ZNF511: variants seen among roughly 807,000 people sequenced by gnomAD.
ZNF511 encodes the protein zinc finger protein 511.
A neutral mutation model predicts 24.8 loss-of-function variants in ZNF511; 26 were observed. The observed-to-expected ratio is 1.05, with a 90% CI of 0.77 to 1.46. The LOEUF (loss-of-function observed/expected upper bound fraction) is 1.46, where lower values mean the gene tolerates loss of function less well. Ranked by LOEUF, ZNF511 falls within the 40% of genes most tolerant of loss-of-function variation. The pLI, the probability that ZNF511 is intolerant of heterozygous loss-of-function variation, is 0.00. For synonymous variants in ZNF511, 144 were observed against 139.6 expected (o/e 1.03, Z -0.22); for missense variants, 358 against 345.0 (o/e 1.04, Z -0.30).
Position 133,310,248 on chromosome 10 carries a change from C to A in ZNF511, c.514C>A (p.Pro172Thr). The change falls in exon 4 of 6, where the codon CCC becomes ACC. Residue 172 changes from proline (P) to threonine (T), a missense_variant. Transcript: ENST00000361518. ...KDHMVRMHLY[P>T]ADFRFDKPKK... ...TCACATGGTGAGGATGCACCTGTAC[C>A]CCGCGGACTTCCGGTTTGATAAGCC... The A allele has an allele frequency of 6.2e-7, 1 of 1,614,018 alleles. No homozygotes were observed. The highest frequency in any genetic ancestry group is 8.5e-7 in the Non-Finnish European group (1 of 1,180,026).
intron 4 of ZNF511, 34 bp from the exon 5 acceptor site, chr10:133,311,682 T>G (rs111577243): frequency 1.3e-6 from 2 of 1,580,870 alleles, no homozygotes; most frequent in Non-Finnish European, 1.7e-6. Flanking sequence ...GTGGGAGCCG[T>G]GCAGGGCAGT....
At chr10:133,309,999 G>C (rs753687652) in intron 3 of ZNF511, 22 bp downstream of exon 3, 1 of 1,611,662 alleles carries the variant, frequency 6.2e-7, no homozygotes, top group Non-Finnish European at 8.5e-7. Flanking sequence ...CTGCACAGCC[G>C]CCGAGGCCAC....
intron 5 of ZNF511, chr10:133,312,266 TA>T (rs1472933178): frequency 3.8e-6 from 5 of 1,315,406 alleles, no homozygotes; most frequent in South Asian, 1.7e-5. Flanking sequence ...TCTGCCTTTC[TA>T]GCATGACCTG....
chr10:133,309,974 C>A lies in ZNF511; in HGVS notation c.426C>A (p.Asp142Glu). Reference protein sequence around the residue: ...SLFQILSERQDMYQCLVEGCT... With the variant: ...SLFQILSERQEMYQCLVEGCT... ...TCCAGATCCTGTCTGAGAGGCAGGA[C>A]ATGGTGGGTGACAACTGCACAGCCG... is the stretch of plus-strand genomic sequence containing the variant. Residue 142 changes from aspartate (D) to glutamate (E), a missense_variant, in exon 3 of 6, where the codon GAC becomes GAA. Physicochemically the swap from Asp to Glu is conservative, Grantham distance 45. Transcript: ENST00000361518. The A allele has an allele frequency of 6.2e-7, 1 of 1,612,756 alleles. No homozygotes were observed. Among genetic ancestry groups the A allele is most frequent in the Non-Finnish European group, 8.5e-7 (1 of 1,179,838 alleles).
intron 5 of ZNF511, 161 bp downstream of exon 5, chr10:133,312,002 G>T (rs1848001244): frequency 6.3e-7 from 1 of 1,595,394 alleles, no homozygotes; most frequent in African/African-American, 1.3e-5. Flanking sequence ...AGATATCTCA[G>T]GTCCTGTGAA....
At chr10:133,312,524 C>A in intron 5 of ZNF511, 1 of 1,355,726 alleles carries the variant, frequency 7.4e-7, no homozygotes. Context: ...AGCAGGAAGT[C>A]TCAGCCCCAG....
In ZNF511 at chr10:133,311,750, G is replaced by C; in HGVS notation, c.589G>C (p.Glu197Gln). The C allele has an allele frequency of 1.2e-6, 2 of 1,613,720 alleles. No individual in the cohort carries two copies. Among genetic ancestry groups the C allele is most frequent in the Non-Finnish European group, 1.7e-6 (2 of 1,180,042 alleles). ...AGCAGAAGCCCCAGGGGACAGTGGA[G>C]AGCGGTCAGAAGGGGAGGCCATGGA... Reference protein sequence around the residue: ...ASAEAPGDSGERSEGEAMEIC... With the variant: ...ASAEAPGDSGQRSEGEAMEIC... Residue 197 changes from glutamate to glutamine, a missense_variant, in exon 5 of 6, where the codon GAG (glutamate) becomes CAG (glutamine). Transcript: ENST00000361518.
intron 5 of ZNF511, 77 bp from the exon 6 acceptor site, chr10:133,312,711 A>C (rs1392682479): frequency 6.2e-7 from 1 of 1,606,872 alleles, no homozygotes; most frequent in African/African-American, 1.3e-5. Context: ...AATGAGAAGG[A>C]GACACACAAG....
rs1229501899 is a variant in ZNF511 at position 133,309,005 on chromosome 10, T to G, written c.62T>G (p.Leu21Arg). 1.8e-5 allele frequency: 22 copies of G among 1,251,468 alleles called. No individual in the cohort carries two copies. The highest frequency in any genetic ancestry group is 4.2e-5 in the Admixed American group (1 of 23,692). The allele number at this position is 1,251,468 out of a possible 1,614,324, so 77.5% of individuals were successfully genotyped here. ...LAAGPGAAEP[L>R]PVERDPAAGA... ...GCGGGGCCCGGGGCGGCGGAGCCGCTGCCTGTAGAGCGGGATCCCGCGGCT... is the reference window on the plus strand; with the variant it reads ...GCGGGGCCCGGGGCGGCGGAGCCGCGGCCTGTAGAGCGGGATCCCGCGGCT... The change falls in exon 1 of 6, where the codon CTG (leucine) becomes CGG (arginine). Residue 21 changes from leucine (L) to arginine (R), a missense_variant. Transcript: ENST00000361518.
intron 2 of ZNF511, 133 bp downstream of exon 2, chr10:133,309,596 G>C (rs2136151071): frequency 1.6e-6 from 2 of 1,274,852 alleles, no homozygotes; most frequent in East Asian, 5.0e-5. Context: ...GTCCAGCTTT[G>C]GCGTGGCCGA....
Position 133,309,944 on chromosome 10 carries a change from G to C in ZNF511, c.396G>C (p.Ser132=). The C allele has an allele frequency of 6.2e-7, 1 of 1,613,330 alleles. No individual in the cohort carries two copies. The highest frequency in any genetic ancestry group is 8.5e-7 in the Non-Finnish European group (1 of 1,179,978). Residue 132 remains serine, a synonymous_variant, in exon 3 of 6, where the codon TCG becomes TCC. Transcript: ENST00000361518. ...LDAHILEWHD[S]LFQILSERQD... The stretch of plus-strand genomic sequence containing the variant: ...CCCACATCCTGGAGTGGCACGATTC[G>C]CTCTTCCAGATCCTGTCTGAGAGGC...
In ZNF511 at chr10:133,309,063, C is replaced by G. The variant is rs554830924; in HGVS notation, c.120C>G (p.Pro40=). The change falls in exon 1 of 6, where the codon CCC becomes CCG. Residue 40 remains proline, a synonymous_variant. Transcript: ENST00000361518. ...CGCCCTTTCGCTTCGTTGCGCGCCC[C>G]GTGCGCTTCCCGCGGGAGCACCAGT... is the stretch of plus-strand genomic sequence containing the variant. ...GAAPFRFVAR[P]VRFPREHQFF... is the part of the protein sequence containing the mutation. 2.5e-5 allele frequency: 32 copies of G among 1,294,046 alleles called. No homozygotes were observed. In the Admixed American group the frequency reaches 7.9e-4, roughly 32 times the overall value. 80.2% of individuals were successfully genotyped at this position (1,294,046 alleles called of 1,614,324 possible). A position where few individuals can be genotyped will look rare whatever the true frequency, so the allele number is the denominator to read the frequency against.
chr10:133,310,534 G>C (rs776188472), intron 4 of ZNF511: 10 of 540,496 alleles, frequency 1.9e-5, no homozygotes, highest in Non-Finnish European at 3.3e-5. Flanking sequence ...GGCAGCAGAG[G>C]GGGTGTGGGA....
rs1055454703 is a variant in ZNF511 at position 133,311,498 on chromosome 10, A to G, written c.555-218A>G. 1.6e-5 allele frequency: 8 copies of G among 495,942 alleles called. No homozygotes were observed. In the East Asian group the frequency reaches 1.9e-4, roughly 12 times the overall value. 30.7% of individuals were successfully genotyped at this position (495,942 alleles called of 1,614,324 possible). On this transcript the variant is annotated intron_variant, in intron 4 of 5. Transcript: ENST00000361518. Reference sequence around the variant, plus strand: ...AAGTATGATTGTTACAGTTAAGTTTATAAGATGCAGACTCTATTATATAAA... The same window carrying G: ...AAGTATGATTGTTACAGTTAAGTTTGTAAGATGCAGACTCTATTATATAAA...
At chr10:133,310,665 C>G in intron 4 of ZNF511, 1 of 259,818 alleles carries the variant, frequency 3.8e-6, no homozygotes. Flanking sequence ...CCTCCTGCAG[C>G]CGTCGGCCGT....
At position 133,308,920 on chromosome 10, in the gene ZNF511, C is replaced by T. The variant is rs1847905249; in HGVS notation, c.-24C>T. 1 of 1,213,982 alleles carries T rather than the reference C, an allele frequency of 8.2e-7. No individual in the cohort carries two copies. Among genetic ancestry groups the T allele is most frequent in the Non-Finnish European group, 1.0e-6 (1 of 973,262 alleles). The allele number at this position is 1,213,982 out of a possible 1,614,324, so 75.2% of individuals were successfully genotyped here. A position where few individuals can be genotyped will look rare whatever the true frequency, so the allele number is the denominator to read the frequency against. On this transcript the variant is annotated 5_prime_UTR_variant, in exon 1 of 6. Transcript: ENST00000361518. ...CGGCTCGCGGACGGTGGCCGACAGG[C>T]TGCGCCCGCCCGCGCCCGGGGTGAT...
At chr10:133,310,538 T>C in intron 4 of ZNF511, 1 of 531,028 alleles carries the variant, frequency 1.9e-6, no homozygotes, top group Non-Finnish European at 3.4e-6. Flanking sequence ...GCAGAGGGGG[T>C]GTGGGAATGA....
In ZNF511 at chr10:133,312,578, G is replaced by A. The variant is rs41314513; in HGVS notation, c.681-210G>A. On this transcript the variant is annotated intron_variant, in intron 5 of 5. Coordinates refer to ENST00000361518, the MANE Select transcript of ZNF511 (RefSeq NM_145806.4). ...CCCTCTCTGCGGAGTTCTTCCCAGC[G>A]GGTGTGCGTTGGTGGCTGGCGGGGA... The A allele has an allele frequency of 0.018, 25,943 of 1,446,678 alleles. 462 individuals carry two copies. The highest frequency in any genetic ancestry group is 0.081 in the African/African-American group (5,684 of 70,192). The allele number at this position is 1,446,678 out of a possible 1,614,324, so 89.6% of individuals were successfully genotyped here.
intron 5 of ZNF511, chr10:133,312,299 C>CA: frequency 2.5e-6 from 3 of 1,221,688 alleles, no homozygotes; most frequent in Non-Finnish European, 3.1e-6. Context: ...TTTCTAGCGT[C>CA]ACCTGTGCCG....
Sources: allele counts gnomAD v4.1 joint callset, GRCh38; gene constraint gnomAD v4.1.1; transcripts MANE v1.5; gene names NCBI Gene and HGNC (gene_info 2026-07-23, HGNC 2026-07-21).